Variants in DLG2 observed in about 807,000 individuals in gnomAD.
DLG2 encodes discs large MAGUK scaffold protein 2.
In DLG2, 45 loss-of-function variants were observed where a neutral mutation model predicts 132.5. The ratio of observed to expected loss-of-function variants is 0.34; its 90% confidence interval spans 0.27 to 0.44. DLG2 has a LOEUF of 0.44. Among genes scored for constraint, DLG2 ranks in the 20% least tolerant of loss-of-function variants. The pLI, the probability that DLG2 is intolerant of heterozygous loss-of-function variation, is 1.00. For synonymous variants in DLG2, 424 were observed against 419.6 expected (o/e 1.01, Z -0.13); for missense variants, 1,045 against 1,196.9 (o/e 0.87, Z 1.87).
chr11:84,584,983 C>T (rs1024791315), intron 6 of DLG2, among the ~76,000 whole-genome samples: 1 of 152,040 alleles, frequency 6.6e-6, no homozygotes, highest in Non-Finnish European at 1.5e-5. Flanking sequence ...CCACCGCGCC[C>T]GGCCCCAGCA....
intron 8 of DLG2, among the ~76,000 whole-genome samples, chr11:84,185,134 G>A (rs1227221279): frequency 6.6e-6 from 1 of 151,986 alleles, no homozygotes; most frequent in Non-Finnish European, 1.5e-5. Flanking sequence ...TGATGGGGAT[G>A]GCATTGAATC....
At chr11:84,481,785 T>C (rs192189504) in intron 7 of DLG2, among the ~76,000 whole-genome samples, 180 of 152,288 alleles carry the variant, frequency 1.2e-3, no homozygotes, top group African/African-American at 4.3e-3. Context: ...CCCATGAAAC[T>C]GCAACAACTT....
intron 6 of DLG2, among the ~76,000 whole-genome samples, chr11:85,106,258 G>C (rs2071733331): frequency 6.6e-6 from 1 of 151,846 alleles, no homozygotes; most frequent in African/African-American, 2.4e-5. Flanking sequence ...TAAATGAAAA[G>C]GAAAACCTGG....
intron 6 of DLG2, among the ~76,000 whole-genome samples, chr11:84,774,212 G>C (rs2069975488): frequency 6.6e-6 from 1 of 151,650 alleles, no homozygotes; most frequent in South Asian, 2.1e-4. Flanking sequence ...AAATACCTAG[G>C]AATACATTCA....
Position 83,962,836 on chromosome 11 carries a change from T to A in DLG2, c.1340+49A>T, listed in dbSNP as rs778338627. 21 of 1,599,598 alleles carry A rather than the reference T, an allele frequency of 1.3e-5. No individual in the cohort carries two copies. The African/African-American group carries it at 2.4e-4, about 18-fold the overall frequency. On this transcript the variant is annotated intron_variant, in intron 14 of 27. Coordinates refer to ENST00000376104, the MANE Select transcript of DLG2 (RefSeq NM_001142699.3). ...CCTGACATGTTAGGCAAATGTGATTTCTTTCTGGTAATAAGAGCAAATCCA... is the reference window on the plus strand; with the variant it reads ...CCTGACATGTTAGGCAAATGTGATTACTTTCTGGTAATAAGAGCAAATCCA...
chr11:85,384,162 T>C (rs1448073369), intron 3 of DLG2, among the ~76,000 whole-genome samples: 1 of 152,196 alleles, frequency 6.6e-6, no homozygotes, highest in African/African-American at 2.4e-5. Context: ...GCCAGGTACA[T>C]CAGTTCTAAT....
chr11:85,554,779 G>A (rs571521552), intron 3 of DLG2, among the ~76,000 whole-genome samples: 1 of 151,710 alleles, frequency 6.6e-6, no homozygotes, highest in African/African-American at 2.4e-5. Context: ...GCTCCTATAG[G>A]TAACACCCTA....
intron 4 of DLG2, among the ~76,000 whole-genome samples, chr11:85,214,571 T>C (rs1017996022): frequency 1.3e-5 from 2 of 152,156 alleles, no homozygotes; most frequent in Non-Finnish European, 2.9e-5. Flanking sequence ...GAGCCTAGGA[T>C]ATCCTCCCAC....
chr11:83,718,281 A>G (rs1033815188), intron 18 of DLG2, among the ~76,000 whole-genome samples: 1 of 152,122 alleles, frequency 6.6e-6, no homozygotes, highest in Non-Finnish European at 1.5e-5. Flanking sequence ...TCATGCCTGT[A>G]ATCCCAACTC....
chr11:83,522,183 T>G (rs989097313), intron 21 of DLG2, among the ~76,000 whole-genome samples: 1 of 152,234 alleles, frequency 6.6e-6, no homozygotes. Flanking sequence ...TTAGCTAAAA[T>G]GCTACCTTTT....
intron 6 of DLG2, among the ~76,000 whole-genome samples, chr11:84,555,251 T>C (rs145426197): frequency 4.2e-4 from 64 of 152,250 alleles, no homozygotes; most frequent in African/African-American, 1.5e-3. Context: ...TTCAAAAATA[T>C]GAAAATAGAA....
intron 7 of DLG2, among the ~76,000 whole-genome samples, chr11:84,527,983 T>A (rs186796652): frequency 6.7e-6 from 1 of 149,162 alleles, no homozygotes; most frequent in African/African-American, 2.5e-5. Flanking sequence ...TTGGGCCCCA[T>A]AGTTTTAAGT....
At chr11:83,614,321 T>C (rs1001684845) in intron 19 of DLG2, among the ~76,000 whole-genome samples, 3 of 152,132 alleles carry the variant, frequency 2.0e-5, no homozygotes, top group African/African-American at 7.2e-5. Context: ...TGAGGTCGAG[T>C]ATGTGAAATG....
intron 7 of DLG2, chr11:84,272,133 T>C: frequency 4.9e-6 from 1 of 202,964 alleles, no homozygotes; most frequent in Non-Finnish European, 1.1e-5. Flanking sequence ...GTAGTCAAGA[T>C]CAACTTACCG....
chr11:85,105,242 C>T (rs1196025612), intron 6 of DLG2, among the ~76,000 whole-genome samples: 3 of 151,894 alleles, frequency 2.0e-5, no homozygotes, highest in Admixed American at 1.3e-4. Context: ...CAATGTCCCC[C>T]TCCATAAATA....
intron 8 of DLG2, among the ~76,000 whole-genome samples, chr11:84,210,924 G>T (rs946307856): frequency 6.6e-6 from 1 of 152,096 alleles, no homozygotes; most frequent in Admixed American, 6.6e-5. Flanking sequence ...AAGCGTATTC[G>T]TTTATCAAAA....
chr11:83,510,929 T>A (rs1211968367), intron 21 of DLG2, among the ~76,000 whole-genome samples: 3 of 145,086 alleles, frequency 2.1e-5, no homozygotes, highest in Non-Finnish European at 4.5e-5. Context: ...TTGGCTAGGA[T>A]TTAAATTCCT....
At chr11:84,221,974 A>G (rs191863598) in intron 8 of DLG2, among the ~76,000 whole-genome samples, 2 of 152,276 alleles carry the variant, frequency 1.3e-5, no homozygotes, top group East Asian at 3.9e-4. Flanking sequence ...CAATATTAGC[A>G]TAATAATACT....
At chr11:84,442,494 C>G (rs1023568787) in intron 7 of DLG2, among the ~76,000 whole-genome samples, 5 of 151,966 alleles carry the variant, frequency 3.3e-5, no homozygotes, top group African/African-American at 9.7e-5. Context: ...CACATGGACC[C>G]AGGGAGGGGA....
Sources: allele counts gnomAD v4.1 joint callset (sites outside exome capture counted in the v4.1 genomes callset), GRCh38; gene constraint gnomAD v4.1.1; transcripts MANE v1.5; gene names NCBI Gene and HGNC (gene_info 2026-07-23, HGNC 2026-07-21).